MAP3K7CL: variants seen among roughly 807,000 people sequenced by gnomAD.
The protein encoded by MAP3K7CL is MAP3K7 C-terminal-like protein.
A neutral mutation model predicts 18.6 loss-of-function variants in MAP3K7CL; 16 were observed. The ratio of observed to expected loss-of-function variants is 0.86; its 90% CI spans 0.58 to 1.31. The LOEUF (loss-of-function observed/expected upper bound fraction) is 1.31, where lower values mean the gene tolerates loss of function less well. MAP3K7CL is among the 50% of genes most tolerant of loss of function. The pLI is 0.00. For missense variants in MAP3K7CL, 163 were observed against 174.4 expected (o/e 0.93, Z 0.37); for synonymous variants, 65 against 66.8 (o/e 0.97, Z 0.13).
intron 4 of MAP3K7CL, among the ~76,000 whole-genome samples, chr21:29,098,031 A>G (rs2086153824): frequency 6.6e-6 from 1 of 152,186 alleles, no homozygotes; most frequent in African/African-American, 2.4e-5. Context: ...AATTATAATT[A>G]AATAAAATAA....
At chr21:29,139,973 G>A (rs1040875635) in intron 2 of MAP3K7CL, among the ~76,000 whole-genome samples, 1 of 148,970 alleles carries the variant, frequency 6.7e-6, no homozygotes, top group African/African-American at 2.5e-5. Flanking sequence ...TTCCCACTGG[G>A]ATTTTAGAAA....
intron 4 of MAP3K7CL, among the ~76,000 whole-genome samples, chr21:29,172,053 A>G (rs544946413): frequency 2.6e-5 from 4 of 152,142 alleles, no homozygotes; most frequent in African/African-American, 9.6e-5. Context: ...TTCAGTAAGT[A>G]TAGTCTAAAA....
At chr21:29,169,023 A>C (rs1279932276) in intron 4 of MAP3K7CL, among the ~76,000 whole-genome samples, 2 of 152,152 alleles carry the variant, frequency 1.3e-5, no homozygotes, top group African/African-American at 4.8e-5. Flanking sequence ...GAAATTCTCC[A>C]CACCTGCCCC....
intron 4 of MAP3K7CL, among the ~76,000 whole-genome samples, chr21:29,121,059 T>TCAAAAAA (rs1202365957): frequency 1.0e-4 from 4 of 39,394 alleles, no homozygotes; most frequent in Non-Finnish European, 1.7e-4. Context: ...GAGTCAGATA[T>TCAAAAAA]ATATATATAG....
chr21:29,166,083 A>G (rs1435032905), intron 4 of MAP3K7CL, among the ~76,000 whole-genome samples: 1 of 152,180 alleles, frequency 6.6e-6, no homozygotes, highest in Non-Finnish European at 1.5e-5. Flanking sequence ...CCTACTGTGC[A>G]GGAGAACACC....
upstream of MAP3K7CL, among the ~76,000 whole-genome samples, chr21:29,082,936 CT>C (rs923619702): frequency 6.0e-4 from 88 of 147,076 alleles, no homozygotes; most frequent in African/African-American, 1.8e-3. Flanking sequence ...TTTCACTGAG[CT>C]TTTTTTTTTT....
intron 3 of MAP3K7CL, among the ~76,000 whole-genome samples, chr21:29,091,940 G>C (rs2146501945): frequency 6.6e-6 from 1 of 152,252 alleles, no homozygotes; most frequent in African/African-American, 2.4e-5. Context: ...TTTTAAAGAT[G>C]AAGAAACTGA....
chr21:29,080,957 C>T (rs1429987617), upstream of MAP3K7CL, among the ~76,000 whole-genome samples: 1 of 152,004 alleles, frequency 6.6e-6, no homozygotes, highest in Non-Finnish European at 1.5e-5. Flanking sequence ...CAGAATCTTA[C>T]CAAATCCAGT....
chr21:29,099,328 C>T (rs1017787665), intron 4 of MAP3K7CL, among the ~76,000 whole-genome samples: 12 of 126,034 alleles, frequency 9.5e-5, no homozygotes, highest in Admixed American at 2.1e-4. Flanking sequence ...TGATCTTGAA[C>T]TTCCGGGTTC....
intron 1 of MAP3K7CL, among the ~76,000 whole-genome samples, chr21:29,131,751 T>G (rs1189157048): frequency 6.6e-6 from 1 of 152,238 alleles, no homozygotes; most frequent in Admixed American, 6.5e-5. Flanking sequence ...GGTTTTAATA[T>G]AAGCCTGATC....
intron 3 of MAP3K7CL, among the ~76,000 whole-genome samples, chr21:29,153,248 T>TGTGGGCC (rs954258431): frequency 6.6e-6 from 1 of 152,242 alleles, no homozygotes; most frequent in Non-Finnish European, 1.5e-5. Flanking sequence ...AATGTTCATT[T>TGTGGGCC]GTGGGCCTTG....
At chr21:29,136,532 A>T (rs1027012166) in intron 2 of MAP3K7CL, among the ~76,000 whole-genome samples, 2 of 129,350 alleles carry the variant, frequency 1.5e-5, no homozygotes, top group Non-Finnish European at 3.4e-5. Context: ...TTTTTATTTT[A>T]TTTTTTTTTT....
At chr21:29,086,102 A>G (rs931402722) in intron 1 of MAP3K7CL, among the ~76,000 whole-genome samples, 2 of 152,156 alleles carry the variant, frequency 1.3e-5, no homozygotes, top group Non-Finnish European at 2.9e-5. Context: ...TGCTGATTGA[A>G]ACTCTGGGAC....
chr21:29,117,681 A>G (rs1487625367), intron 4 of MAP3K7CL, among the ~76,000 whole-genome samples: 1 of 152,250 alleles, frequency 6.6e-6, no homozygotes, highest in Non-Finnish European at 1.5e-5. Context: ...CTAATCTACT[A>G]TTTTAGGATG....
chr21:29,137,710 G>C (rs1017231530), intron 2 of MAP3K7CL, among the ~76,000 whole-genome samples: 2 of 152,094 alleles, frequency 1.3e-5, no homozygotes, highest in Non-Finnish European at 2.9e-5. Context: ...GTAACGTGTT[G>C]TCTACCGAGC....
At chr21:29,134,886 A>C (rs534529627) in intron 2 of MAP3K7CL, among the ~76,000 whole-genome samples, 3 of 151,862 alleles carry the variant, frequency 2.0e-5, no homozygotes, top group Non-Finnish European at 4.4e-5. Flanking sequence ...TGTCTCTACT[A>C]AAAATACAAA....
chr21:29,084,585 T>C (rs1871750580), upstream of MAP3K7CL, among the ~76,000 whole-genome samples: 2 of 152,194 alleles, frequency 1.3e-5, no homozygotes, highest in Admixed American at 1.3e-4. Flanking sequence ...GGGAATAAAA[T>C]CAAGGGAGGA....
At chr21:29,160,361 T>A (rs1335506829) in intron 4 of MAP3K7CL, among the ~76,000 whole-genome samples, 1 of 152,266 alleles carries the variant, frequency 6.6e-6, no homozygotes. Flanking sequence ...TGCAGAGCAC[T>A]GTGGCTTGGT....
intron 4 of MAP3K7CL, among the ~76,000 whole-genome samples, chr21:29,111,345 A>C (rs1160377153): frequency 4.6e-5 from 7 of 152,152 alleles, no homozygotes; most frequent in Non-Finnish European, 1.0e-4. Flanking sequence ...CTCTTATTTA[A>C]CAGTGGGGAG....
Sources: allele counts gnomAD v4.1 joint callset (sites outside exome capture counted in the v4.1 genomes callset), GRCh38; gene constraint gnomAD v4.1.1; transcripts MANE v1.5; gene names NCBI Gene and HGNC (gene_info 2026-07-23, HGNC 2026-07-21).